ABCC6: variants seen among roughly 807,000 people sequenced by gnomAD.
ABCC6 encodes ATP binding cassette subfamily C member 6.
In ABCC6, 126 loss-of-function variants were observed where a neutral mutation model predicts 169.5. That is an observed-to-expected ratio of 0.74 (90% CI 0.64 to 0.86). The LOEUF (loss-of-function observed/expected upper bound fraction) is 0.86. ABCC6 is among the 40% of genes least tolerant of loss of function. The probability of loss-of-function intolerance (pLI) is 0.00; values close to 1 mark genes in which losing one functional copy is unlikely to be tolerated. For missense variants in ABCC6, 1,733 were observed against 1,927.2 expected, an observed-to-expected ratio of 0.90 and a Z score of 1.89; for synonymous variants, 752 against 814.7, an observed-to-expected ratio of 0.92 and a Z score of 1.31.
chr16:16,173,014 C>T, intron 21 of ABCC6: 1 of 505,286 alleles, frequency 2.0e-6, no homozygotes, highest in Non-Finnish European at 3.6e-6. Flanking sequence ...TGCGGTCCAG[C>T]CTGGGTGAGT....
At chr16:16,189,074 C>T (rs2047753376) in intron 12 of ABCC6, 100 bp from the exon 13 acceptor site, 3 of 1,371,016 alleles carry the variant, frequency 2.2e-6, no homozygotes, top group Admixed American at 3.5e-5. Flanking sequence ...ATGTGGCCCA[C>T]CCGCCATGTC....
intron 19 of ABCC6, among the ~76,000 whole-genome samples, chr16:16,176,746 G>A (rs1285719393): frequency 2.0e-5 from 3 of 152,204 alleles, no homozygotes; most frequent in Non-Finnish European, 4.4e-5. Flanking sequence ...AGTTGCTTGG[G>A]TTCAAATCCC....
intron 7 of ABCC6, among the ~76,000 whole-genome samples, chr16:16,206,145 G>T (rs1366318027): frequency 1.3e-5 from 2 of 152,204 alleles, no homozygotes; most frequent in Non-Finnish European, 2.9e-5. Context: ...CAGCCTGCAG[G>T]CTCCATAGCA....
At chr16:16,209,812 T>A (rs961851549) in intron 6 of ABCC6, among the ~76,000 whole-genome samples, 1 of 151,944 alleles carries the variant, frequency 6.6e-6, no homozygotes, top group South Asian at 2.1e-4. Context: ...GCCAGGCTGG[T>A]CTCGACCTAC....
At chr16:16,187,515 G>A (rs2047688041) in intron 13 of ABCC6, among the ~76,000 whole-genome samples, 2 of 152,224 alleles carry the variant, frequency 1.3e-5, no homozygotes, top group South Asian at 4.1e-4. Context: ...AAGCCATTGT[G>A]TGGAACAATT....
intron 14 of ABCC6, among the ~76,000 whole-genome samples, chr16:16,186,329 A>C (rs2047653169): frequency 6.6e-6 from 1 of 152,118 alleles, no homozygotes; most frequent in Admixed American, 6.5e-5. Flanking sequence ...CTGCATGAGG[A>C]CAAGGACCTG....
At position 16,182,691 on chromosome 16, in the gene ABCC6, G is replaced by A. The variant is rs74780748; in HGVS notation, c.2071-103C>T. 1.4e-3 allele frequency: 2,276 copies of A among 1,592,272 alleles called. 12 individuals carry two copies. The African/African-American group carries it at 0.019, about 14-fold the overall frequency. ...GGGCTCTCAGTGGTGGGTGAGAGGT[G>A]GAGAGAATGAGTGAAAGTGAACTTG... On this transcript the variant is annotated intron_variant, in intron 16 of 30. Coordinates refer to ENST00000205557, the MANE Select transcript of ABCC6 (RefSeq NM_001171.6).
chr16:16,220,724 T>C (rs946632971), intron 2 of ABCC6, among the ~76,000 whole-genome samples: 9 of 151,950 alleles, frequency 5.9e-5, no homozygotes, highest in Non-Finnish European at 8.8e-5. Context: ...GGCGAAACCC[T>C]GTTTCTACTA....
chr16:16,210,110 A>G (rs1860763631), intron 6 of ABCC6, among the ~76,000 whole-genome samples: 1 of 151,876 alleles, frequency 6.6e-6, no homozygotes, highest in Admixed American at 6.6e-5. Context: ...TCTAAGCCTT[A>G]CCAAGTTCCC....
intron 14 of ABCC6, among the ~76,000 whole-genome samples, chr16:16,186,138 G>T (rs531304469): frequency 3.8e-4 from 58 of 152,148 alleles, no homozygotes; most frequent in Admixed American, 1.2e-3. Context: ...TACACAGTTT[G>T]CCCAGGTTCT....
At chr16:16,221,350 G>A (rs1279135180) in intron 2 of ABCC6, 3 of 1,416,796 alleles carry the variant, frequency 2.1e-6, no homozygotes, top group Non-Finnish European at 2.8e-6. Context: ...GTATCCAAGA[G>A]TCTACATGGT....
At chr16:16,213,632 C>T (rs893546204) in intron 5 of ABCC6, among the ~76,000 whole-genome samples, 3 of 142,578 alleles carry the variant, frequency 2.1e-5, no homozygotes. Context: ...ACAGTCTTGG[C>T]TCCCTGCAAC....
intron 7 of ABCC6, among the ~76,000 whole-genome samples, chr16:16,205,929 A>G (rs1301089145): frequency 1.3e-5 from 2 of 152,130 alleles, no homozygotes; most frequent in Non-Finnish European, 2.9e-5. Context: ...TTATAGAAGG[A>G]AGGAAGGAGC....
Position 16,169,831 on chromosome 16 carries a change from G to T in ABCC6, c.2810C>A (p.Ala937Asp), listed in dbSNP as rs1287329186. Residue 937 changes from alanine (A) to aspartate (D), a missense_variant, in exon 22 of 31, where the codon GCC (alanine) becomes GAC (aspartate). Transcript: ENST00000205557. ...YGRVKATVHLAYLRAVGTPLC... is the reference protein window; with the variant it reads ...YGRVKATVHLDYLRAVGTPLC... ...GGGGGTGCCCACGGCACGCAGGTAG[G>T]CCAGGTGCACTGTGGCCTTCACCTG... 2 of 1,556,822 alleles carry T rather than the reference G, an allele frequency of 1.3e-6. No individual in the cohort carries two copies. Among genetic ancestry groups the T allele is most frequent in the African/African-American group, 1.4e-5 (1 of 73,394 alleles).
chr16:16,208,744 G>A lies in ABCC6; in HGVS notation c.778C>T (p.Arg260Cys), dbSNP rs777365579. 5.1e-5 allele frequency: 82 copies of A among 1,613,364 alleles called. No homozygotes were observed. The highest frequency in any genetic ancestry group is 1.6e-4 in the Middle Eastern group (1 of 6,078). Residue 260 changes from arginine (R) to cysteine (C), a missense_variant, in exon 7 of 31, where the codon CGC (arginine) becomes TGC (cysteine). This residue lies in a region of ABCC6 where 1,601 missense variants were observed against 1,635.5 expected (regional missense o/e 0.98). Coordinates refer to ENST00000205557, the MANE Select transcript of ABCC6 (RefSeq NM_001171.6). ...SRLEKEWMRN[R>C]SAARRHNKAI... ...CCCACTTACCTCCGGGCTGCACTGC[G>A]GTTCCTCATCCACTCCTTTTCAAGC...
chr16:16,179,369 G>T (rs568073353), intron 17 of ABCC6, among the ~76,000 whole-genome samples: 2 of 152,016 alleles, frequency 1.3e-5, no homozygotes, highest in Non-Finnish European at 2.9e-5. Flanking sequence ...TTTTCTTTTA[G>T]TTTTCATTGA....
In ABCC6 at chr16:16,151,914, G is replaced by A. The variant is rs114054304; in HGVS notation, c.4209-1142C>T. Among the ~76,000 whole-genome samples, 1,306 of 152,018 alleles carry A rather than the reference G, an allele frequency of 8.6e-3. 17 individuals are homozygous for A. The highest frequency in any genetic ancestry group is 0.03 in the African/African-American group (1,227 of 41,460). On this transcript the variant is annotated intron_variant, in intron 29 of 30. Coordinates refer to ENST00000205557, the MANE Select transcript of ABCC6 (RefSeq NM_001171.6). ...TGGCACATAAAAGTGTGTGGGTGGCGGGGCACGGCGGCTCACACCTGTAAT... is the reference window on the plus strand; with the variant it reads ...TGGCACATAAAAGTGTGTGGGTGGCAGGGCACGGCGGCTCACACCTGTAAT...
chr16:16,156,788 C>T (rs1223963778), intron 27 of ABCC6, among the ~76,000 whole-genome samples: 1 of 151,578 alleles, frequency 6.6e-6, no homozygotes, highest in East Asian at 1.9e-4. Context: ...ACTAAAAATA[C>T]AAAAATTAGC....
At chr16:16,189,215 G>A (rs556560539) in intron 12 of ABCC6, among the ~76,000 whole-genome samples, 7 of 152,298 alleles carry the variant, frequency 4.6e-5, no homozygotes, top group East Asian at 1.9e-4. Flanking sequence ...GCAGCCCCAC[G>A]GCTCTAGGCA....
Sources: allele counts gnomAD v4.1 joint callset (sites outside exome capture counted in the v4.1 genomes callset), GRCh38; gene constraint gnomAD v4.1.1; regional missense constraint gnomAD v4.1.1; transcripts MANE v1.5; gene names NCBI Gene and HGNC (gene_info 2026-07-23, HGNC 2026-07-21).